Variants in DAB1 observed in about 807,000 individuals in gnomAD.
DAB1 encodes DAB adaptor protein 1, also known as disabled homolog 1.
A neutral mutation model predicts 64.6 loss-of-function variants in DAB1; 15 were observed. That is an observed-to-expected ratio of 0.23 (90% confidence interval 0.16 to 0.36). DAB1 has a LOEUF of 0.36. DAB1 is among the 10% of genes least tolerant of loss of function. DAB1 has a pLI of 1.00. For missense variants in DAB1, 596 were observed against 706.7 expected (o/e 0.84, Z 1.78); for synonymous variants, 235 against 251.9 (o/e 0.93, Z 0.64).
chr1:57,164,145 T>C (rs548968439), intron 2 of DAB1, among the ~76,000 whole-genome samples: 6 of 152,262 alleles, frequency 3.9e-5, no homozygotes, highest in Admixed American at 3.9e-4. Flanking sequence ...CTGGCCTGTC[T>C]GGTGGATAGA....
rs112026201 is a variant in DAB1 at position 57,796,257 on chromosome 1, G to T, written n.551+87742C>A. 9.9e-3 allele frequency among the ~76,000 whole-genome samples: 1,508 copies of T among 152,160 alleles called. 11 individuals are homozygous for T. The highest frequency in any genetic ancestry group is 0.014 in the Non-Finnish European group (970 of 68,008). On this transcript the variant is annotated intron_variant and non_coding_transcript_variant, in intron 6 of 20. Transcript: ENST00000485760. Reference sequence around the variant, plus strand: ...AAAATAATAATCCTGGCTGGGCGCGGTGGCTCACGCCTGTAATACAAGCAC... The same window carrying T: ...AAAATAATAATCCTGGCTGGGCGCGTTGGCTCACGCCTGTAATACAAGCAC...
chr1:57,147,458 C>T (rs192400460), intron 2 of DAB1, among the ~76,000 whole-genome samples: 2 of 152,142 alleles, frequency 1.3e-5, no homozygotes, highest in East Asian at 3.9e-4. Flanking sequence ...CCATGACACC[C>T]CTGCTGACTC....
intron 6 of DAB1, among the ~76,000 whole-genome samples, chr1:57,710,654 G>C (rs1240502210): frequency 6.6e-6 from 1 of 151,956 alleles, no homozygotes; most frequent in Non-Finnish European, 1.5e-5. Context: ...TTTTTTGGGG[G>C]GGGGAGGTTA....
chr1:57,273,663 G>C (rs1022088932), intron 2 of DAB1, among the ~76,000 whole-genome samples: 1 of 128,302 alleles, frequency 7.8e-6, no homozygotes, highest in Non-Finnish European at 1.6e-5. Context: ...TTCTCCACTC[G>C]AGTCAAACAT....
intron 4 of DAB1, among the ~76,000 whole-genome samples, chr1:57,132,373 C>T (rs558646693): frequency 6.6e-6 from 1 of 152,278 alleles, no homozygotes; most frequent in Admixed American, 6.5e-5. Context: ...CACTAATGAA[C>T]TATGAGCATC....
At chr1:57,535,323 A>G (rs1644712831) in intron 7 of DAB1, among the ~76,000 whole-genome samples, 1 of 152,214 alleles carries the variant, frequency 6.6e-6, no homozygotes, top group Non-Finnish European at 1.5e-5. Flanking sequence ...ATAACAAGTG[A>G]AAAATATATT....
At chr1:58,499,936 A>G (rs920870569) in intron 3 of DAB1, among the ~76,000 whole-genome samples, 7 of 152,178 alleles carry the variant, frequency 4.6e-5, no homozygotes, top group African/African-American at 1.7e-4. Context: ...CTACTTATTC[A>G]CAAAAAGTAA....
intron 7 of DAB1, among the ~76,000 whole-genome samples, chr1:57,562,846 C>A (rs1645068947): frequency 6.6e-6 from 1 of 152,170 alleles, no homozygotes; most frequent in East Asian, 1.9e-4. Context: ...GCTCCTCCTC[C>A]CTTTAAGTTA....
chr1:57,701,467 C>T (rs1646907160), intron 6 of DAB1, among the ~76,000 whole-genome samples: 1 of 152,062 alleles, frequency 6.6e-6, no homozygotes, highest in African/African-American at 2.4e-5. Flanking sequence ...AAAAACCAAA[C>T]ACCACATGTT....
At chr1:57,562,146 G>A (rs1415027992) in intron 7 of DAB1, among the ~76,000 whole-genome samples, 1 of 152,230 alleles carries the variant, frequency 6.6e-6, no homozygotes, top group East Asian at 1.9e-4. Context: ...GCCGAGGCAG[G>A]TGGACTACCT....
chr1:57,158,073 G>C (rs1278569000), intron 2 of DAB1, among the ~76,000 whole-genome samples: 1 of 152,112 alleles, frequency 6.6e-6, no homozygotes, highest in African/African-American at 2.4e-5. Context: ...TGAGTGTTAG[G>C]CTCTTCATAT....
Position 57,305,785 on chromosome 1 carries a change from T to A in DAB1, c.-136-14619A>T, listed in dbSNP as rs186199203. Among the ~76,000 whole-genome samples, 1,350 of 151,832 alleles carry A rather than the reference T, an allele frequency of 8.9e-3. 25 individuals are homozygous for A. Among genetic ancestry groups the A allele is most frequent in the African/African-American group, 0.03 (1,262 of 41,378 alleles). Reference sequence around the variant, plus strand: ...GAGATCGAGACCATCCTGGCTAACATGGTGAAACCCTGCCTCTACTAAAAA... The same window carrying A: ...GAGATCGAGACCATCCTGGCTAACAAGGTGAAACCCTGCCTCTACTAAAAA... On this transcript the variant is annotated intron_variant, in intron 1 of 14. Transcript: ENST00000371236.
At chr1:57,687,790 C>A (rs779846719) in intron 6 of DAB1, among the ~76,000 whole-genome samples, 13 of 151,894 alleles carry the variant, frequency 8.6e-5, no homozygotes, top group Non-Finnish European at 2.9e-5. Flanking sequence ...TGATCTTTGA[C>A]AAAGCCAACA....
intron 2 of DAB1, among the ~76,000 whole-genome samples, chr1:57,220,129 TTA>T (rs1337900364): frequency 6.6e-6 from 1 of 152,120 alleles, no homozygotes; most frequent in Non-Finnish European, 1.5e-5. Context: ...CAGTAATAAT[TTA>T]TGTTTTTCAG....
At chr1:57,473,533 C>T (rs978445609) in intron 7 of DAB1, among the ~76,000 whole-genome samples, 7 of 152,222 alleles carry the variant, frequency 4.6e-5, no homozygotes, top group South Asian at 2.1e-4. Flanking sequence ...CCCTTCTAGG[C>T]TCTGAGTCTA....
intron 7 of DAB1, among the ~76,000 whole-genome samples, chr1:57,504,940 A>G (rs1644327924): frequency 1.3e-5 from 2 of 152,234 alleles, no homozygotes; most frequent in South Asian, 4.1e-4. Context: ...AGGCCATTAA[A>G]AACAAGGGTG....
chr1:57,709,214 A>G (rs552638518), intron 6 of DAB1, among the ~76,000 whole-genome samples: 1 of 152,192 alleles, frequency 6.6e-6, no homozygotes, highest in South Asian at 2.1e-4. Context: ...TGAACTCCAG[A>G]TATTTCTGTA....
At chr1:57,615,228 T>C (rs1169468671) in intron 7 of DAB1, among the ~76,000 whole-genome samples, 4 of 152,226 alleles carry the variant, frequency 2.6e-5, no homozygotes, top group African/African-American at 7.2e-5. Flanking sequence ...CAAGAATAAA[T>C]ACTGTATTTT....
At chr1:58,068,466 G>GT (rs1444108388) in intron 5 of DAB1, among the ~76,000 whole-genome samples, 1 of 152,134 alleles carries the variant, frequency 6.6e-6, no homozygotes, top group East Asian at 1.9e-4. Context: ...AAGATTATAG[G>GT]TTAAAAGCAC....
Sources: gnomAD v4.1 joint callset for allele counts (sites outside exome capture counted in the v4.1 genomes callset) on GRCh38, gnomAD v4.1.1 for gene constraint, MANE v1.5 for transcripts, NCBI Gene and HGNC (gene_info 2026-07-23, HGNC 2026-07-21) for gene names.